PDE4D: variants seen among roughly 807,000 people sequenced by gnomAD.
The protein encoded by PDE4D is 3',5'-cyclic-AMP phosphodiesterase 4D.
Under a neutral mutation model 87.4 loss-of-function variants are expected in PDE4D, and 24 were observed. That is an observed-to-expected ratio of 0.27 (90% confidence interval 0.20 to 0.39). The LOEUF is 0.39. PDE4D is among the 10% of genes least tolerant of loss of function. The pLI, the probability that PDE4D is intolerant of heterozygous loss-of-function variation, is 1.00. For missense variants in PDE4D, 714 were observed against 1,041.0 expected (o/e 0.69, Z 4.32); for synonymous variants, 384 against 383.2 (o/e 1.00, Z -0.02).
At chr5:59,199,989 T>C (rs1022909662) in intron 2 of PDE4D, among the ~76,000 whole-genome samples, 2 of 151,182 alleles carry the variant, frequency 1.3e-5, no homozygotes, top group South Asian at 2.2e-4. Context: ...TATATACACA[T>C]GCATACATGC....
chr5:60,209,131 C>T (rs528504117), intron 1 of PDE4D, among the ~76,000 whole-genome samples: 1 of 151,894 alleles, frequency 6.6e-6, no homozygotes, highest in East Asian at 1.9e-4. Context: ...AATAACATTG[C>T]CAGCAAGCCC....
At chr5:59,332,873 T>C (rs1184410878) in intron 1 of PDE4D, among the ~76,000 whole-genome samples, 1 of 152,170 alleles carries the variant, frequency 6.6e-6, no homozygotes, top group Non-Finnish European at 1.5e-5. Flanking sequence ...GACATGATCA[T>C]CTGGACGTGC....
chr5:59,285,928 C>T (rs1766860084), intron 1 of PDE4D, among the ~76,000 whole-genome samples: 1 of 152,178 alleles, frequency 6.6e-6, no homozygotes, highest in Non-Finnish European at 1.5e-5. Flanking sequence ...GGAGCCACTA[C>T]TAAGTGTTGT....
chr5:60,064,703 C>T (rs1562046900), intron 2 of PDE4D, among the ~76,000 whole-genome samples: 1 of 152,142 alleles, frequency 6.6e-6, no homozygotes, highest in Non-Finnish European at 1.5e-5. Context: ...TCAAGTCCCT[C>T]TTGTATTATT....
At chr5:59,036,134 C>A (rs920749996) in intron 6 of PDE4D, among the ~76,000 whole-genome samples, 4 of 152,104 alleles carry the variant, frequency 2.6e-5, no homozygotes, top group Admixed American at 1.3e-4. Context: ...ATGTGTTAAC[C>A]CAGTTTGTTA....
In PDE4D at chr5:59,585,509, G is replaced by T. The variant is rs560303180; in HGVS notation, c.455+307659C>A. Among the ~76,000 whole-genome samples the T allele has an allele frequency of 4.6e-5, 7 of 152,234 alleles. No individual in the cohort carries two copies. The South Asian group carries it at 1.5e-3, about 32-fold the overall frequency. The stretch of plus-strand genomic sequence containing the variant: ...AAGCCTTAACATGTGCCTTTATTAT[G>T]CATTCACAAAGTTTCTGCTATGAAA... On this transcript the variant is annotated intron_variant, in intron 1 of 14. Coordinates refer to ENST00000340635, the MANE Select transcript of PDE4D (RefSeq NM_001104631.2).
At chr5:59,716,157 G>C (rs921862046) in intron 1 of PDE4D, among the ~76,000 whole-genome samples, 1 of 152,206 alleles carries the variant, frequency 6.6e-6, no homozygotes, top group African/African-American at 2.4e-5. Flanking sequence ...AGTGAGTTTG[G>C]AGCACAGGCT....
At chr5:60,318,802 G>C (rs1755902120) in intron 1 of PDE4D, among the ~76,000 whole-genome samples, 1 of 152,084 alleles carries the variant, frequency 6.6e-6, no homozygotes, top group Non-Finnish European at 1.5e-5. Flanking sequence ...TAAGAATGTT[G>C]AATATTGGCC....
rs111341496 is a variant in PDE4D, at chr5:60,274,633, T to C, written c.-89-88946A>G. ...GCCTCAGCCTCCCAAAGTGCTGGGA[T>C]CACAGGCATGAGCCACCATGTCCAG... On this transcript the variant is annotated intron_variant, in intron 1 of 16. Coordinates refer to the PDE4D transcript ENST00000502484. 4.6e-5 allele frequency among the ~76,000 whole-genome samples: 7 copies of C among 152,292 alleles called. 1 individual carries two copies. The highest frequency in any genetic ancestry group is 1.7e-4 in the African/African-American group (7 of 41,576).
chr5:60,367,653 G>C (rs1295995592), intron 1 of PDE4D, among the ~76,000 whole-genome samples: 2 of 151,980 alleles, frequency 1.3e-5, no homozygotes, highest in Non-Finnish European at 2.9e-5. Flanking sequence ...CCTCCTGCTG[G>C]GACCTGGCTA....
chr5:59,433,179 C>T (rs1038647065), intron 1 of PDE4D, among the ~76,000 whole-genome samples: 4 of 152,060 alleles, frequency 2.6e-5, no homozygotes, highest in Non-Finnish European at 5.9e-5. Flanking sequence ...ATAAGATTTG[C>T]TTCACATAAG....
At chr5:58,988,671 T>G in intron 10 of PDE4D, 79 bp from the exon 11 acceptor site, 5 of 594,020 alleles carry the variant, frequency 8.4e-6, no homozygotes, top group Non-Finnish European at 1.3e-5. Context: ...AAGAAATCTC[T>G]AGAATTTAAA....
chr5:60,058,230 G>T lies in PDE4D; in HGVS notation c.43-69513C>A, dbSNP rs77119891. Among the ~76,000 whole-genome samples the T allele has an allele frequency of 4.3e-4, 65 of 152,000 alleles. No homozygotes were observed. The East Asian group carries it at 4.6e-3, about 11-fold the overall frequency. ...CTTCACTAAAACCCTTCCTGAGTAT[G>T]ATTAAAAACAGTGAAATAAATAGTG... On this transcript the variant is annotated intron_variant, in intron 2 of 16. Coordinates refer to the PDE4D transcript ENST00000502484.
rs538740550 is a variant in PDE4D at position 59,798,338 on chromosome 5, C to T, written c.455+94830G>A. On this transcript the variant is annotated intron_variant, in intron 1 of 14. Transcript: ENST00000340635. ...GAAGAGCAAAATTCAATTTAGTCATCGTACCCACATGTAATCACCAAAAAA... is the reference window on the plus strand; with the variant it reads ...GAAGAGCAAAATTCAATTTAGTCATTGTACCCACATGTAATCACCAAAAAA... Among the ~76,000 whole-genome samples the T allele has an allele frequency of 4.0e-5, 6 of 151,010 alleles. No homozygotes were observed. The South Asian group carries it at 8.5e-4, about 21-fold the overall frequency.
intron 1 of PDE4D, among the ~76,000 whole-genome samples, chr5:59,640,332 G>A (rs1741361586): frequency 6.6e-6 from 1 of 152,116 alleles, no homozygotes; most frequent in Admixed American, 6.5e-5. Flanking sequence ...CTCTGGAGCC[G>A]GAGTTCTTCC....
chr5:58,985,832 C>T lies in PDE4D; in HGVS notation c.1552+2661G>A, dbSNP rs76542369. Among the ~76,000 whole-genome samples, 600 of 152,322 alleles carry T rather than the reference C, an allele frequency of 3.9e-3. 2 individuals carry two copies. Among genetic ancestry groups the T allele is most frequent in the African/African-American group, 0.014 (569 of 41,568 alleles). The stretch of plus-strand genomic sequence containing the variant: ...TTTGATAAAATATTTCACGAAGCTA[C>T]ATATCACAAGTTTACAAGTTATTAG... On this transcript the variant is annotated intron_variant, in intron 11 of 14. Transcript: ENST00000340635.
At chr5:59,365,468 AAAACAAAC>A (rs550620036) in intron 1 of PDE4D, among the ~76,000 whole-genome samples, 1 of 152,182 alleles carries the variant, frequency 6.6e-6, no homozygotes, top group Non-Finnish European at 1.5e-5. Flanking sequence ...CCTATCTCTA[AAAACAAAC>A]AAACAAACAA....
chr5:60,190,766 CA>C (rs1425793431), intron 1 of PDE4D, among the ~76,000 whole-genome samples: 1 of 152,194 alleles, frequency 6.6e-6, no homozygotes, highest in African/African-American at 2.4e-5. Context: ...CTTCCCAGCA[CA>C]GTTTAACATC....
intron 5 of PDE4D, among the ~76,000 whole-genome samples, chr5:59,113,835 T>C (rs1773099011): frequency 6.6e-6 from 1 of 152,148 alleles, no homozygotes; most frequent in East Asian, 1.9e-4. Flanking sequence ...TCTCACAGAT[T>C]TGTGGTGAGG....
Sources: allele counts gnomAD v4.1 joint callset (sites outside exome capture counted in the v4.1 genomes callset), GRCh38; gene constraint gnomAD v4.1.1; transcripts MANE v1.5; gene names NCBI Gene and HGNC (gene_info 2026-07-23, HGNC 2026-07-21).